Variants in ZFP90 observed in about 807,000 individuals in gnomAD.
ZFP90 encodes the protein zinc finger protein 90 homolog.
In ZFP90, 38 loss-of-function variants were observed where a neutral mutation model predicts 60.8. The observed-to-expected ratio is 0.62, with a 90% confidence interval of 0.48 to 0.82. The LOEUF is 0.82. Ranked by LOEUF, ZFP90 falls within the 40% of genes least tolerant of loss-of-function variation. The pLI, the probability that ZFP90 is intolerant of heterozygous loss-of-function variation, is 0.00. For synonymous variants in ZFP90, 287 were observed against 264.8 expected (o/e 1.08, Z -0.82); for missense variants, 711 against 759.1 (o/e 0.94, Z 0.74).
downstream of ZFP90, among the ~76,000 whole-genome samples, chr16:68,568,276 T>A (rs904091496): frequency 3.9e-5 from 6 of 152,148 alleles, no homozygotes; most frequent in Admixed American, 2.6e-4. Context: ...AGCAATTGAG[T>A]GGAGATTGAT....
intron 4 of ZFP90, among the ~76,000 whole-genome samples, chr16:68,561,587 A>G (rs1447122488): frequency 6.6e-6 from 1 of 152,166 alleles, no homozygotes; most frequent in Admixed American, 6.5e-5. Context: ...TTGCCAAAAG[A>G]TTGTCTTGTT....
intron 2 of ZFP90, among the ~76,000 whole-genome samples, chr16:68,546,430 C>T (rs987232654): frequency 1.3e-5 from 2 of 152,180 alleles, no homozygotes; most frequent in African/African-American, 4.8e-5. Context: ...TTTCTTCTTT[C>T]AGCCCGTGCA....
exon 3 of ZFP90, chr16:68,576,007 G>A (rs1597763889): frequency 2.8e-6 from 1 of 356,908 alleles, no homozygotes; most frequent in East Asian, 4.1e-5. Flanking sequence ...AGCAGCAAAT[G>A]TTCCCCTTGC....
chr16:68,545,168 C>T (rs1306276040), intron 2 of ZFP90, among the ~76,000 whole-genome samples: 10 of 151,752 alleles, frequency 6.6e-5, no homozygotes, highest in Non-Finnish European at 1.0e-4. Flanking sequence ...CATGAGCCAC[C>T]GCGCCCGGCC....
chr16:68,549,808 G>A (rs1265240450), intron 2 of ZFP90, among the ~76,000 whole-genome samples: 1 of 152,114 alleles, frequency 6.6e-6, no homozygotes, highest in African/African-American at 2.4e-5. Context: ...GCTTCAGGAG[G>A]GAATGGAACA....
At chr16:68,573,934 G>A (rs2091580340) in intron 2 of ZFP90, 1 of 152,298 alleles carries the variant, frequency 6.6e-6, no homozygotes, top group African/African-American at 2.4e-5. Context: ...GTGCAGTGCT[G>A]AGTTTTCGCT....
upstream of ZFP90, among the ~76,000 whole-genome samples, chr16:68,535,831 A>T (rs1333991435): frequency 1.3e-5 from 2 of 152,146 alleles, no homozygotes; most frequent in Non-Finnish European, 2.9e-5. Flanking sequence ...AATACATTTT[A>T]AAAGATTTTT....
chr16:68,548,653 G>T (rs1413039105), intron 2 of ZFP90, among the ~76,000 whole-genome samples: 2 of 151,730 alleles, frequency 1.3e-5, no homozygotes, highest in African/African-American at 2.4e-5. Context: ...TCCACACCCG[G>T]CTAATTTTGT....
At chr16:68,562,935 A>G in intron 4 of ZFP90, 109 bp from the exon 5 acceptor site, 1 of 1,553,006 alleles carries the variant, frequency 6.4e-7, no homozygotes, top group South Asian at 1.2e-5. Context: ...TACAGGAGTA[A>G]TTTCAAAACA....
rs1046784470 is a variant in ZFP90, at chr16:68,539,451, C to T, written c.-64C>T. ...CTGGGTGGGCCGGAGGTCGCGAAAT[C>T]CGGAGCCCCCCAGAGGCGGTGATTC... is the stretch of plus-strand genomic sequence containing the variant. On this transcript the variant is annotated 5_prime_UTR_variant, in exon 1 of 5. Transcript: ENST00000563169. The T allele has an allele frequency of 2.7e-6, 1 of 368,336 alleles. No homozygotes were observed. Among genetic ancestry groups the T allele is most frequent in the South Asian group, 1.0e-4 (1 of 10,036 alleles). 22.8% of individuals were successfully genotyped at this position (368,336 alleles called of 1,614,324 possible). A position where few individuals can be genotyped will look rare whatever the true frequency, so the allele number is the denominator to read the frequency against.
intron 2 of ZFP90, among the ~76,000 whole-genome samples, chr16:68,547,558 ATTTTC>A (rs1451049443): frequency 1.1e-4 from 16 of 151,808 alleles, no homozygotes; most frequent in Admixed American, 8.5e-4. Context: ...GTTTTGGTGA[ATTTTC>A]TTTTCTCCTT....
At chr16:68,534,345 C>G (rs1397384996), upstream of ZFP90, among the ~76,000 whole-genome samples, 1 of 151,048 alleles carries the variant, frequency 6.6e-6, no homozygotes, top group Non-Finnish European at 1.5e-5. Flanking sequence ...TCTCCTGCCT[C>G]AGCCTCCCGA....
intron 4 of ZFP90, among the ~76,000 whole-genome samples, chr16:68,561,449 A>G (rs922301183): frequency 6.6e-6 from 1 of 152,124 alleles, no homozygotes; most frequent in African/African-American, 2.4e-5. Flanking sequence ...AATCTATCTA[A>G]TCCATGAGAT....
chr16:68,543,131 A>G (rs1214283611), intron 2 of ZFP90, among the ~76,000 whole-genome samples: 1 of 152,136 alleles, frequency 6.6e-6, no homozygotes, highest in Non-Finnish European at 1.5e-5. Flanking sequence ...CTTGAAGGCG[A>G]TGAGGGAGTA....
At chr16:68,543,532 T>C (rs1347787796) in intron 2 of ZFP90, among the ~76,000 whole-genome samples, 1 of 150,994 alleles carries the variant, frequency 6.6e-6, no homozygotes, top group Non-Finnish European at 1.5e-5. Flanking sequence ...GCAATGTCTA[T>C]GTAAACATTA....
chr16:68,567,183 G>A, downstream of ZFP90: 1 of 984,884 alleles, frequency 1.0e-6, no homozygotes, highest in Non-Finnish European at 1.2e-6. Flanking sequence ...AGATTAAAGA[G>A]TGGTGCACCA....
chr16:68,548,663 T>C (rs1457166938), intron 2 of ZFP90, among the ~76,000 whole-genome samples: 2 of 151,990 alleles, frequency 1.3e-5, no homozygotes, highest in Admixed American at 1.3e-4. Flanking sequence ...GCTAATTTTG[T>C]ATTTTTAGTA....
intron 2 of ZFP90, among the ~76,000 whole-genome samples, chr16:68,555,409 T>C (rs866231048): frequency 3.3e-5 from 5 of 152,056 alleles, no homozygotes; most frequent in Admixed American, 2.0e-4. Flanking sequence ...AACAGAAATA[T>C]GGGGCAGAGG....
intron 4 of ZFP90, among the ~76,000 whole-genome samples, chr16:68,561,015 C>T (rs956557597): frequency 1.3e-5 from 2 of 152,112 alleles, no homozygotes; most frequent in African/African-American, 4.8e-5. Context: ...CTGCCTCAGC[C>T]ATCTGAGTAG....
Sources: gnomAD v4.1 joint callset for allele counts (sites outside exome capture counted in the v4.1 genomes callset) on GRCh38, gnomAD v4.1.1 for gene constraint, MANE v1.5 for transcripts, NCBI Gene and HGNC (gene_info 2026-07-23, HGNC 2026-07-21) for gene names.